Variants in SEC14L2 observed in about 807,000 individuals in gnomAD.
The protein encoded by SEC14L2 is SEC14-like protein 2.
In SEC14L2, 50 loss-of-function variants were observed where a neutral mutation model predicts 56.9. The observed-to-expected ratio is 0.88, with a 90% CI of 0.70 to 1.11. SEC14L2 has a LOEUF of 1.11. Ranked by LOEUF, SEC14L2 falls within the 50% of genes most tolerant of loss-of-function variation. The pLI is 0.00. For missense variants in SEC14L2, 414 were observed against 500.7 expected (o/e 0.83, Z 1.65); for synonymous variants, 179 against 188.5 (o/e 0.95, Z 0.41).
rs1934615290 is a variant in SEC14L2, at chr22:30,424,461, G to C, written c.*2054G>C. The C allele has an allele frequency of 2.9e-6, 1 of 343,472 alleles. No individual in the cohort carries two copies. The highest frequency in any genetic ancestry group is 2.3e-5 in the South Asian group (1 of 43,988). The allele number at this position is 343,472 out of a possible 1,614,324, so 21.3% of individuals were successfully genotyped here. A position where few individuals can be genotyped will look rare whatever the true frequency, so the allele number is the denominator to read the frequency against. On this transcript the variant is annotated 3_prime_UTR_variant, in exon 12 of 12. Transcript: ENST00000615189. ...GGGGCCTCCGTAGGGAGCCAGCGGG[G>C]GCCTCAATAGTTACTCATTTTCTCT...
intron 2 of SEC14L2, 40 bp from the exon 3 acceptor site, chr22:30,406,302 T>C (rs1366840110): frequency 6.2e-7 from 1 of 1,611,856 alleles, no homozygotes. Flanking sequence ...CACCCAGTCC[T>C]GCTAACCTAA....
At position 30,401,671 on chromosome 22, in the gene SEC14L2, G is replaced by A. The variant is rs201228470; in HGVS notation, c.130+1953G>A. 1.7e-3 allele frequency among the ~76,000 whole-genome samples: 209 copies of A among 122,282 alleles called. 3 individuals are homozygous for A. In the East Asian group the frequency reaches 0.045, roughly 27 times the overall value. The allele number at this position is 122,282 out of a possible 152,430, so 80.2% of individuals were successfully genotyped here. Reference sequence around the variant, plus strand: ...TGGGATTACAGGCATGCGCCACCACGCCCGGCTAATTTTTTTTTTTTTTGT... The same window carrying A: ...TGGGATTACAGGCATGCGCCACCACACCCGGCTAATTTTTTTTTTTTTTGT... On this transcript the variant is annotated intron_variant, in intron 2 of 11. Transcript: ENST00000615189.
At chr22:30,401,702 T>C (rs149343206) in intron 2 of SEC14L2, among the ~76,000 whole-genome samples, 1,841 of 149,094 alleles carry the variant, frequency 0.012, 39 homozygotes, top group African/African-American at 0.042. Context: ...TTTGTATCTT[T>C]AGTAGAGACG....
At chr22:30,415,483 C>G (rs924961083) in intron 8 of SEC14L2, among the ~76,000 whole-genome samples, 2 of 152,158 alleles carry the variant, frequency 1.3e-5, no homozygotes, top group African/African-American at 4.8e-5. Context: ...CCACCATAAC[C>G]AGGCAGGGCA....
At position 30,424,477 on chromosome 22, in the gene SEC14L2, C is replaced by A; in HGVS notation, c.*2070C>A. On this transcript the variant is annotated 3_prime_UTR_variant, in exon 12 of 12. Coordinates refer to ENST00000615189, the MANE Select transcript of SEC14L2 (RefSeq NM_012429.5). Reference sequence around the variant, plus strand: ...GCCAGCGGGGGCCTCAATAGTTACTCATTTTCTCTACCTTTGATGAAAATA... The same window carrying A: ...GCCAGCGGGGGCCTCAATAGTTACTAATTTTCTCTACCTTTGATGAAAATA... The A allele has an allele frequency of 2.9e-6, 1 of 342,210 alleles. No homozygotes were observed. The highest frequency in any genetic ancestry group is 2.2e-5 in the African/African-American group (1 of 46,344). The allele number at this position is 342,210 out of a possible 1,614,324, so 21.2% of individuals were successfully genotyped here.
chr22:30,409,548 G>A (rs1934193707), intron 7 of SEC14L2, 62 bp downstream of exon 7: 10 of 1,449,428 alleles, frequency 6.9e-6, no homozygotes, highest in South Asian at 6.9e-5. Flanking sequence ...ACATGACTGC[G>A]GCAGATGGAG....
intron 2 of SEC14L2, 35 bp from the exon 3 acceptor site, chr22:30,406,307 A>T (rs1934090507): frequency 1.2e-6 from 2 of 1,612,972 alleles, no homozygotes; most frequent in Middle Eastern, 1.6e-4. Flanking sequence ...AGTCCTGCTA[A>T]CCTAACCCTG....
intron 1 of SEC14L2, 27 bp from the exon 2 acceptor site, chr22:30,399,616 C>T (rs1337974587): frequency 2.4e-5 from 38 of 1,601,480 alleles, no homozygotes; most frequent in Non-Finnish European, 3.2e-5. Flanking sequence ...CGGGCCCTAC[C>T]ACTCACCCCG....
chr22:30,399,680 C>G lies in SEC14L2; in HGVS notation c.92C>G (p.Pro31Arg), dbSNP rs537868674. ...GTCCAGGATGTGCTGCCGGCCCTGCCGAATCCAGATGACTATTTTCTCCTG... is the reference window on the plus strand; with the variant it reads ...GTCCAGGATGTGCTGCCGGCCCTGCGGAATCCAGATGACTATTTTCTCCTG... ...ENVQDVLPAL[P>R]NPDDYFLLRW... The change falls in exon 2 of 12, where the codon CCG becomes CGG. Residue 31 changes from proline (P) to arginine (R), a missense_variant. Physicochemically the swap from Pro to Arg is moderately radical, Grantham distance 103. Transcript: ENST00000615189. The G allele has an allele frequency of 3.7e-6, 6 of 1,613,798 alleles. No individual in the cohort carries two copies. The highest frequency in any genetic ancestry group is 1.3e-5 in the African/African-American group (1 of 74,896).
intron 2 of SEC14L2, 78 bp downstream of exon 2, chr22:30,399,796 C>A: frequency 2.2e-6 from 3 of 1,345,210 alleles, no homozygotes; most frequent in Non-Finnish European, 1.0e-6. Flanking sequence ...GAAAACCCTG[C>A]CCTTGGCAAT....
At chr22:30,408,996 G>A (rs2146023781) in intron 5 of SEC14L2, 191 bp from the exon 6 acceptor site, 1 of 685,130 alleles carries the variant, frequency 1.5e-6, no homozygotes, top group East Asian at 2.8e-5. Flanking sequence ...CAGAGACCTA[G>A]GCAGGAAGAG....
chr22:30,422,904 G>A lies in SEC14L2; in HGVS notation c.*497G>A, dbSNP rs1934559840. On this transcript the variant is annotated 3_prime_UTR_variant, in exon 12 of 12. Coordinates refer to ENST00000615189, the MANE Select transcript of SEC14L2 (RefSeq NM_012429.5). ...CTCTTCCAAACATTTTAGCACTGAG[G>A]CTGGGGTAGCTTTTGGCTTTTCCCA... The A allele has an allele frequency of 1.3e-5, 2 of 153,436 alleles. No individual in the cohort carries two copies. The highest frequency in any genetic ancestry group is 4.8e-5 in the African/African-American group (2 of 41,438). The allele number at this position is 153,436 out of a possible 1,614,324, so 9.5% of individuals were successfully genotyped here.
intron 11 of SEC14L2, chr22:30,416,773 G>A: frequency 8.0e-7 from 1 of 1,246,604 alleles, no homozygotes; most frequent in Non-Finnish European, 1.0e-6. Context: ...GGCTGGGTGG[G>A]CATGGGATCA....
intron 5 of SEC14L2, among the ~76,000 whole-genome samples, chr22:30,407,937 T>C (rs1934144992): frequency 6.6e-6 from 1 of 152,046 alleles, no homozygotes; most frequent in Non-Finnish European, 1.5e-5. Flanking sequence ...CAAATATCTA[T>C]TTTGCCATGT....
chr22:30,423,945 C>T lies in SEC14L2; in HGVS notation c.*1538C>T, dbSNP rs1276454953. On this transcript the variant is annotated 3_prime_UTR_variant, in exon 12 of 12. Transcript: ENST00000615189. The stretch of plus-strand genomic sequence containing the variant: ...CCCGGACCCAGCAGCCGTTTCACGC[C>T]AATAGATAGGGCGCATGCGCAGAAA... The T allele has an allele frequency of 6.6e-6, 1 of 152,312 alleles. No individual in the cohort carries two copies. Among genetic ancestry groups the T allele is most frequent in the Non-Finnish European group, 1.5e-5 (1 of 68,074 alleles). The allele number at this position is 152,312 out of a possible 1,614,324, so 9.4% of individuals were successfully genotyped here. A position where few individuals can be genotyped will look rare whatever the true frequency, so the allele number is the denominator to read the frequency against.
intron 2 of SEC14L2, among the ~76,000 whole-genome samples, chr22:30,403,819 A>T (rs1018495712): frequency 6.6e-6 from 1 of 151,540 alleles, no homozygotes; most frequent in South Asian, 2.1e-4. Flanking sequence ...CTGGCTAACA[A>T]GGTGAAACCC....
At chr22:30,400,467 CCT>C (rs1933894969) in intron 2 of SEC14L2, 1 of 152,262 alleles carries the variant, frequency 6.6e-6, no homozygotes, top group Non-Finnish European at 1.5e-5. Context: ...TGCCCCAATC[CCT>C]GAGATGTTTC....
chr22:30,416,390 T>G lies in SEC14L2; in HGVS notation c.1068T>G (p.Ser356Arg). 6.2e-7 allele frequency: 1 copy of G among 1,614,246 alleles called. No individual in the cohort carries two copies. The highest frequency in any genetic ancestry group is 1.1e-5 in the South Asian group (1 of 91,092). The change falls in exon 11 of 12, where the codon AGT becomes AGG. Residue 356 changes from serine to arginine, a missense_variant. By Grantham distance (110) the Ser-to-Arg change is moderately radical. Transcript: ENST00000615189. ...CTGAAGATGGGACCCTCACCTGCAG[T>G]GATCCTGGCATCTGTAAGTATCTCT... The part of the protein sequence containing the change: ...LVPEDGTLTC[S>R]DPGIYVLRFD...
rs1934127828 is a variant in SEC14L2, at chr22:30,407,453, T to C, written c.273T>C (p.Tyr91=). ...ATCTGTCAGGGGGTATGTGTGGCTA[T>C]GACCTGGATGGCTGCCCAGTCTGGT... ...QQYLSGGMCG[Y]DLDGCPVWYD... is the part of the protein sequence containing the mutation. Residue 91 remains tyrosine (Y), a synonymous_variant, in exon 5 of 12, where the codon TAT becomes TAC. Coordinates refer to ENST00000615189, the MANE Select transcript of SEC14L2 (RefSeq NM_012429.5). 6.2e-7 allele frequency: 1 copy of C among 1,614,082 alleles called. No homozygotes were observed. The highest frequency in any genetic ancestry group is 1.3e-5 in the African/African-American group (1 of 74,936).
Sources: gnomAD v4.1 joint callset for allele counts (sites outside exome capture counted in the v4.1 genomes callset) on GRCh38, gnomAD v4.1.1 for gene constraint, MANE v1.5 for transcripts, NCBI Gene and HGNC (gene_info 2026-07-23, HGNC 2026-07-21) for gene names.